ASMTL: variants seen among roughly 807,000 people sequenced by gnomAD.
The protein encoded by ASMTL is acetylserotonin O-methyltransferase like.
A neutral mutation model predicts 60.3 loss-of-function variants in ASMTL; 57 were observed. That is an observed-to-expected ratio of 0.95 (90% CI 0.76 to 1.18). The LOEUF is 1.18. Ranked by LOEUF, ASMTL falls within the 50% of genes most tolerant of loss-of-function variation. The pLI is 0.00. For missense variants in ASMTL, 981 were observed against 852.6 expected, an observed-to-expected ratio of 1.15 and a Z score of -1.88; for synonymous variants, 419 against 373.0, an observed-to-expected ratio of 1.12 and a Z score of -1.42.
chrX:1,415,214 T>TCCAGGCGTGAGCCTGGGCACGTGAC (rs747715910), intron 11 of ASMTL, among the ~76,000 whole-genome samples: 1 of 151,808 alleles, frequency 6.6e-6, no homozygotes, highest in East Asian at 2.0e-4. Context: ...GGGCTGGGAT[T>TCCAGGCGTGAGCCTGGGCACGTGAC]CCAGGCGTCT....
At chrX:1,407,757 G>C (rs1166646756) in intron 12 of ASMTL, among the ~76,000 whole-genome samples, 5 of 151,910 alleles carry the variant, frequency 3.3e-5, no homozygotes, top group African/African-American at 1.2e-4. Context: ...GATGTATAAA[G>C]AGAGACAGAG....
Position 1,404,942 on chromosome X carries a change from G to GATGC in ASMTL, c.1646-1457_1646-1454dup, listed in dbSNP as rs747445288. Among the ~76,000 whole-genome samples, 632 of 151,514 alleles carry GATGC rather than the reference G, an allele frequency of 4.2e-3. 4 individuals carry two copies. The highest frequency in any genetic ancestry group is 0.015 in the African/African-American group (598 of 41,146). ...AGGTAGATGTATGGATGGATAGATGGATGCATGGATGAGAGGGATGGATGG... is the reference window on the plus strand; with the variant it reads ...AGGTAGATGTATGGATGGATAGATGGATGCATGCATGGATGAGAGGGATGGATGG... On this transcript the variant is annotated intron_variant, in intron 12 of 12. Transcript: ENST00000381317.
chrX:1,410,368 T>C (rs1278350839), intron 12 of ASMTL, among the ~76,000 whole-genome samples: 1 of 151,648 alleles, frequency 6.6e-6, no homozygotes, highest in East Asian at 1.9e-4. Flanking sequence ...ATGACAACAC[T>C]GCACTCCAGC....
chrX:1,411,624 G>GCTGACACTTCAGCAACACGGCTGTGAA (rs757145240), intron 12 of ASMTL, among the ~76,000 whole-genome samples: 138 of 151,064 alleles, frequency 9.1e-4, no homozygotes, highest in African/African-American at 3.2e-3. Context: ...ATTAGATCCA[G>GCTGACACTTCAGCAACACGGCTGTGAA]CTGCAGAGTC....
chrX:1,433,507 A>AC (rs1369951937), intron 5 of ASMTL, among the ~76,000 whole-genome samples: 6 of 149,306 alleles, frequency 4.0e-5, no homozygotes, highest in African/African-American at 4.9e-5. Context: ...CTACTAAAAA[A>AC]AAAAAAAAAA....
chrX:1,412,324 T>C (rs1368329457), intron 12 of ASMTL, among the ~76,000 whole-genome samples: 2 of 152,036 alleles, frequency 1.3e-5, no homozygotes, highest in African/African-American at 4.8e-5. Flanking sequence ...AGCTCCCGGG[T>C]TCAAGTGATT....
chrX:1,427,970 G>A lies in ASMTL; in HGVS notation c.661C>T (p.Arg221Trp), dbSNP rs769212788. 9.9e-6 allele frequency: 16 copies of A among 1,613,548 alleles called. No individual in the cohort carries two copies. Among genetic ancestry groups the A allele is most frequent in the African/African-American group, 4.0e-5 (3 of 75,060 alleles). Residue 221 changes from arginine (R) to tryptophan (W), a missense_variant, in exon 7 of 13, where the codon CGG (arginine) becomes TGG (tryptophan). Physicochemically the swap from Arg to Trp is moderately radical, Grantham distance 101 (BLOSUM62 -3). Coordinates refer to ENST00000381317, the MANE Select transcript of ASMTL (RefSeq NM_004192.4). ...ATGGAGTCGTGCTTGACACTCCGCC[G>A]CAGGTCCTCCGGACGGGGCGGGTAG... ...LYYPPRPEDL[R>W]RSVKHDSIPA...
At chrX:1,432,467 T>C (rs1306762677) in intron 5 of ASMTL, 90 bp from the exon 6 acceptor site, 2 of 926,144 alleles carry the variant, frequency 2.2e-6, no homozygotes, top group African/African-American at 1.6e-5. Context: ...TGGAGGTGTG[T>C]ACTCGAGCGC....
At chrX:1,453,465 C>A (rs1349728233), upstream of ASMTL, among the ~76,000 whole-genome samples, 1 of 152,016 alleles carries the variant, frequency 6.6e-6, no homozygotes, top group East Asian at 1.9e-4. Context: ...CCTGCGGCGC[C>A]AAGACCTGCA....
chrX:1,438,670 C>T (rs1291120123), intron 3 of ASMTL, among the ~76,000 whole-genome samples: 1 of 152,170 alleles, frequency 6.6e-6, no homozygotes, highest in Non-Finnish European at 1.5e-5. Flanking sequence ...AGTCTGTATT[C>T]TGTATCATTG....
intron 12 of ASMTL, among the ~76,000 whole-genome samples, chrX:1,406,753 G>T (rs1320469825): frequency 6.6e-6 from 1 of 151,734 alleles, no homozygotes; most frequent in African/African-American, 2.4e-5. Flanking sequence ...ATGATGGGTA[G>T]GTAGGTAGAT....
At chrX:1,432,194 G>C in intron 6 of ASMTL, 75 bp downstream of exon 6, 1 of 1,253,904 alleles carries the variant, frequency 8.0e-7, no homozygotes, top group East Asian at 2.5e-5. Context: ...CAAAGGCTGG[G>C]TGGGACACCC....
At chrX:1,439,256 T>C (rs2091048902) in intron 2 of ASMTL, 112 bp from the exon 3 acceptor site, 1 of 1,110,116 alleles carries the variant, frequency 9.0e-7, no homozygotes, top group African/African-American at 1.6e-5. Flanking sequence ...CCAGGCCGAC[T>C]TTGGAAGTGA....
intron 1 of ASMTL, among the ~76,000 whole-genome samples, chrX:1,442,850 A>G (rs1262381537): frequency 1.3e-5 from 2 of 152,012 alleles, no homozygotes; most frequent in African/African-American, 2.4e-5. Flanking sequence ...AGAGGTAGTG[A>G]CCCCTGCAGA....
intron 5 of ASMTL, 153 bp downstream of exon 5, chrX:1,434,869 C>T (rs768009955): frequency 1.0e-5 from 2 of 197,640 alleles, no homozygotes; most frequent in Non-Finnish European, 9.1e-6. Flanking sequence ...ACTTCCAAAT[C>T]GGCGGACAAC....
chrX:1,423,206 C>G (rs1436121255), intron 8 of ASMTL, among the ~76,000 whole-genome samples: 13 of 152,170 alleles, frequency 8.5e-5, no homozygotes, highest in Non-Finnish European at 1.9e-4. Flanking sequence ...CCTGCCTTGG[C>G]CTCCCCAAGT....
chrX:1,442,221 G>T lies in ASMTL; in HGVS notation c.190C>A (p.Gln64Lys). 1 of 1,613,840 alleles carries T rather than the reference G, an allele frequency of 6.2e-7. No individual in the cohort carries two copies. Among genetic ancestry groups the T allele is most frequent in the Non-Finnish European group, 8.5e-7 (1 of 1,179,862 alleles). Reference sequence around the variant, plus strand: ...CGGTTGGCCACCTCCAGGGCCTTCTGCTTGGCGGTCTCCATGGCGTACCCA... The same window carrying T: ...CGGTTGGCCACCTCCAGGGCCTTCTTCTTGGCGGTCTCCATGGCGTACCCA... The part of the protein sequence containing the change: ...PYGYAMETAK[Q>K]KALEVANRLY... The change falls in exon 2 of 13, where the codon CAG becomes AAG. Residue 64 changes from glutamine (Q) to lysine (K), a missense_variant. Coordinates refer to ENST00000381317, the MANE Select transcript of ASMTL (RefSeq NM_004192.4).
intron 3 of ASMTL, among the ~76,000 whole-genome samples, chrX:1,438,501 T>C (rs1393007855): frequency 1.3e-5 from 2 of 152,106 alleles, no homozygotes; most frequent in East Asian, 3.9e-4. Context: ...GTTGCTGGCC[T>C]CTAGAACTGC....
At chrX:1,450,079 C>CTT (rs2091325339) in intron 1 of ASMTL, among the ~76,000 whole-genome samples, 1 of 149,904 alleles carries the variant, frequency 6.7e-6, no homozygotes, top group Admixed American at 7.1e-5. Flanking sequence ...TAACTATGCC[C>CTT]CCATCACCAG....
Sources: allele counts gnomAD v4.1 joint callset (sites outside exome capture counted in the v4.1 genomes callset), GRCh38; gene constraint gnomAD v4.1.1; transcripts MANE v1.5; gene names NCBI Gene and HGNC (gene_info 2026-07-23, HGNC 2026-07-21).